FADS6: variants seen among roughly 807,000 people sequenced by gnomAD.
The protein encoded by FADS6 is fatty acid desaturase 6.
In FADS6, 28 loss-of-function variants were observed where a neutral mutation model predicts 31.7. The observed-to-expected ratio is 0.88, with a 90% CI of 0.66 to 1.21. The LOEUF (loss-of-function observed/expected upper bound fraction) is 1.21. Among genes scored for constraint, FADS6 ranks in the 50% most tolerant of loss-of-function variants. FADS6 has a pLI of 0.00. For missense variants in FADS6, 494 were observed against 504.2 expected, an observed-to-expected ratio of 0.98 and a Z score of 0.19; for synonymous variants, 191 against 213.1, an observed-to-expected ratio of 0.90 and a Z score of 0.90.
At chr17:74,876,964 T>C (rs2038512338), downstream of FADS6, among the ~76,000 whole-genome samples, 1 of 152,144 alleles carries the variant, frequency 6.6e-6, no homozygotes, top group African/African-American at 2.4e-5. Context: ...TACTACCCAC[T>C]GTGGGCTGAA....
intron 1 of FADS6, among the ~76,000 whole-genome samples, chr17:74,893,004 C>T (rs949430113): frequency 6.6e-6 from 1 of 152,142 alleles, no homozygotes; most frequent in Non-Finnish European, 1.5e-5. Flanking sequence ...CACCCCCTCC[C>T]CACTCACCTA....
At chr17:74,882,403 A>G (rs2038579933) in intron 3 of FADS6, 127 bp downstream of exon 3, 1 of 1,108,736 alleles carries the variant, frequency 9.0e-7, no homozygotes, top group South Asian at 1.6e-5. Flanking sequence ...CTACCTTGCC[A>G]TGCTGTCTCA....
chr17:74,882,827 C>T (rs1478241452), intron 2 of FADS6, 117 bp from the exon 3 acceptor site: 21 of 1,530,894 alleles, frequency 1.4e-5, no homozygotes, highest in African/African-American at 4.1e-5. Context: ...TGTCCAGGGC[C>T]GTCCTGCCTT....
Position 74,879,400 on chromosome 17 carries a change from C to T in FADS6, c.960+4G>A. The T allele has an allele frequency of 6.2e-7, 1 of 1,613,138 alleles. No homozygotes were observed. Among genetic ancestry groups the T allele is most frequent in the Non-Finnish European group, 8.5e-7 (1 of 1,179,412 alleles). ...CCAGCGCCCCCAGCCCAGCCCTCGACTACCTTCAGGCACATGTTATCAGAG... is the reference window on the plus strand; with the variant it reads ...CCAGCGCCCCCAGCCCAGCCCTCGATTACCTTCAGGCACATGTTATCAGAG... On this transcript the variant is annotated splice_donor_region_variant and intron_variant, in intron 5 of 5. Coordinates refer to ENST00000612771, the MANE Select transcript of FADS6 (RefSeq NM_178128.6).
chr17:74,886,895 C>T (rs1200306549), intron 2 of FADS6, among the ~76,000 whole-genome samples: 4 of 152,056 alleles, frequency 2.6e-5, no homozygotes, highest in Admixed American at 6.6e-5. Flanking sequence ...ATAGCATCTC[C>T]CCTGGAAACC....
In FADS6 at chr17:74,877,368, C is replaced by T. The variant is rs934748064; in HGVS notation, c.*963G>A. 6.6e-6 allele frequency: 1 copy of T among 150,638 alleles called. No individual in the cohort carries two copies. The highest frequency in any genetic ancestry group is 1.5e-5 in the Non-Finnish European group (1 of 67,698). The allele number at this position is 150,638 out of a possible 1,614,324, so 9.3% of individuals were successfully genotyped here. A position where few individuals can be genotyped will look rare whatever the true frequency, so the allele number is the denominator to read the frequency against. ...TATTTTTTTGAGATGGAGTCTCGCT[C>T]TGTCACCCAGGCTGGAATGCAATGG... is the stretch of plus-strand genomic sequence containing the variant. On this transcript the variant is annotated 3_prime_UTR_variant, in exon 6 of 6. Transcript: ENST00000612771.
At chr17:74,879,264 TG>T in intron 5 of FADS6, 139 bp downstream of exon 5, 1 of 1,084,482 alleles carries the variant, frequency 9.2e-7, no homozygotes, top group Non-Finnish European at 1.3e-6. Flanking sequence ...CTCAAACTCC[TG>T]GGCTCAAGCA....
At chr17:74,890,769 C>T (rs967387622) in intron 2 of FADS6, among the ~76,000 whole-genome samples, 2 of 152,066 alleles carry the variant, frequency 1.3e-5, no homozygotes, top group African/African-American at 2.4e-5. Context: ...GCTGGGTTTC[C>T]GGTGGAGCGC....
Position 74,881,390 on chromosome 17 carries a change from C to A in FADS6, c.593-135G>T, listed in dbSNP as rs571051407. The A allele has an allele frequency of 1.1e-3, 915 of 834,058 alleles. 6 individuals carry two copies. In the African/African-American group the frequency reaches 0.014, roughly 13 times the overall value. The allele number at this position is 834,058 out of a possible 1,614,324, so 51.7% of individuals were successfully genotyped here. Reference sequence around the variant, plus strand: ...CACAACAGCCCTGAAAAGCAGGGCACCCCATTGTGTGGATGAAGAAACAGA... The same window carrying A: ...CACAACAGCCCTGAAAAGCAGGGCAACCCATTGTGTGGATGAAGAAACAGA... On this transcript the variant is annotated intron_variant, in intron 3 of 5. Coordinates refer to ENST00000612771, the MANE Select transcript of FADS6 (RefSeq NM_178128.6).
chr17:74,891,620 T>C (rs1349284925), intron 2 of FADS6, among the ~76,000 whole-genome samples: 1 of 152,040 alleles, frequency 6.6e-6, no homozygotes, highest in African/African-American at 2.4e-5. Context: ...ATGTGTGTGC[T>C]GGTGAGAGGG....
chr17:74,877,986 T>A lies in FADS6; in HGVS notation c.*345A>T, dbSNP rs1169365941. On this transcript the variant is annotated 3_prime_UTR_variant, in exon 6 of 6. Coordinates refer to ENST00000612771, the MANE Select transcript of FADS6 (RefSeq NM_178128.6). Reference sequence around the variant, plus strand: ...TCTCCCAGGTGGCCCCTGCACAGGATCCCTCTTCACCCTGTCACCTCCCTT... The same window carrying A: ...TCTCCCAGGTGGCCCCTGCACAGGAACCCTCTTCACCCTGTCACCTCCCTT... 9.6e-7 allele frequency: 1 copy of A among 1,040,092 alleles called. No homozygotes were observed. The allele number at this position is 1,040,092 out of a possible 1,614,324, so 64.4% of individuals were successfully genotyped here. A position where few individuals can be genotyped will look rare whatever the true frequency, so the allele number is the denominator to read the frequency against.
Position 74,878,450 on chromosome 17 carries a change from G to A in FADS6, c.988C>T (p.Arg330Cys), listed in dbSNP as rs576359470. ...KVKPVVSQFL[R>C]EKQLPYNEDS... ...TCGTTGTACGGTAGCTGCTTCTCAC[G>A]TAGGAACTGGGACACCACGGGCTTC... is the stretch of plus-strand genomic sequence containing the variant. Residue 330 changes from arginine to cysteine, a missense_variant, in exon 6 of 6, where the codon CGT becomes TGT. Arg to Cys is a radical substitution (Grantham distance 180). Coordinates refer to ENST00000612771, the MANE Select transcript of FADS6 (RefSeq NM_178128.6). 5 of 1,613,912 alleles carry A rather than the reference G, an allele frequency of 3.1e-6. No individual in the cohort carries two copies. Among genetic ancestry groups the A allele is most frequent in the South Asian group, 2.2e-5 (2 of 91,090 alleles).
intron 5 of FADS6, 98 bp from the exon 6 acceptor site, chr17:74,878,575 G>T: frequency 1.4e-6 from 2 of 1,429,684 alleles, no homozygotes; most frequent in Non-Finnish European, 1.9e-6. Flanking sequence ...CCCACCCCCA[G>T]TTCCTATCGG....
intron 3 of FADS6, among the ~76,000 whole-genome samples, chr17:74,881,822 G>T (rs890927201): frequency 6.6e-6 from 1 of 152,080 alleles, no homozygotes; most frequent in Admixed American, 6.5e-5. Context: ...CAAGCCCTGG[G>T]ATTTGAACCC....
Position 74,877,739 on chromosome 17 carries a change from T to C in FADS6, c.*592A>G. ...ACACTCACTTTTATCTTGCTGATAC[T>C]GTGGCCTGGGGAACTGCTGAGCCAG... On this transcript the variant is annotated 3_prime_UTR_variant, in exon 6 of 6. Coordinates refer to ENST00000612771, the MANE Select transcript of FADS6 (RefSeq NM_178128.6). The C allele has an allele frequency of 2.0e-6, 2 of 985,658 alleles. No homozygotes were observed. The highest frequency in any genetic ancestry group is 2.4e-6 in the Non-Finnish European group (2 of 830,094). The allele number at this position is 985,658 out of a possible 1,614,324, so 61.1% of individuals were successfully genotyped here. A position where few individuals can be genotyped will look rare whatever the true frequency, so the allele number is the denominator to read the frequency against.
chr17:74,891,456 A>G (rs567260608), intron 2 of FADS6, among the ~76,000 whole-genome samples: 12 of 152,184 alleles, frequency 7.9e-5, no homozygotes, highest in African/African-American at 2.4e-4. Flanking sequence ...TGTGGATTAC[A>G]AACTTGGCGG....
intron 2 of FADS6, among the ~76,000 whole-genome samples, chr17:74,886,443 C>G (rs1306980353): frequency 3.4e-5 from 3 of 87,712 alleles, no homozygotes; most frequent in Non-Finnish European, 6.2e-5. Context: ...CTGGGCAATA[C>G]AGTGAAATCC....
intron 3 of FADS6, among the ~76,000 whole-genome samples, chr17:74,881,668 C>T (rs945037841): frequency 6.6e-6 from 1 of 151,076 alleles, no homozygotes; most frequent in Non-Finnish European, 1.5e-5. Flanking sequence ...CAGTTGTGTG[C>T]CACCTACAGT....
chr17:74,893,340 C>T lies in FADS6; in HGVS notation c.244+12G>A. On this transcript the variant is annotated intron_variant, in intron 1 of 5. Transcript: ENST00000612771. ...CAGCCCGGCCGGGACGCCGGGTCCC[C>T]GCGTTCCTCACCTGCCGGCAAGGCG... 1 of 1,510,630 alleles carries T rather than the reference C, an allele frequency of 6.6e-7. No homozygotes were observed. The highest frequency in any genetic ancestry group is 8.8e-7 in the Non-Finnish European group (1 of 1,135,714). The allele number at this position is 1,510,630 out of a possible 1,614,324, so 93.6% of individuals were successfully genotyped here.
Sources: gnomAD v4.1 joint callset for allele counts (sites outside exome capture counted in the v4.1 genomes callset) on GRCh38, gnomAD v4.1.1 for gene constraint, MANE v1.5 for transcripts, NCBI Gene and HGNC (gene_info 2026-07-23, HGNC 2026-07-21) for gene names.